GRIN3A: variants seen among roughly 807,000 people sequenced by gnomAD.
The protein encoded by GRIN3A is glutamate ionotropic receptor NMDA type subunit 3A, also known as glutamate receptor ionotropic, NMDA 3A.
Under a neutral mutation model 92.4 loss-of-function variants are expected in GRIN3A, and 47 were observed. The ratio of observed to expected loss-of-function variants is 0.51; its 90% confidence interval spans 0.40 to 0.65. GRIN3A has a LOEUF of 0.65. Ranked by LOEUF, GRIN3A falls within the 30% of genes least tolerant of loss-of-function variation. The pLI, the probability that GRIN3A is intolerant of heterozygous loss-of-function variation, is 0.00. For missense variants in GRIN3A, 1,324 were observed against 1,393.1 expected (o/e 0.95, Z 0.79); for synonymous variants, 527 against 540.6 (o/e 0.97, Z 0.35).
At chr9:101,635,235 C>T (rs1828769619) in intron 3 of GRIN3A, among the ~76,000 whole-genome samples, 1 of 152,042 alleles carries the variant, frequency 6.6e-6, no homozygotes, top group Non-Finnish European at 1.5e-5. Flanking sequence ...TGCATCAAGT[C>T]TCTTGTAGGG....
Position 101,640,046 on chromosome 9 carries a change from C to A in GRIN3A, c.2353-11645G>T, listed in dbSNP as rs531880561. On this transcript the variant is annotated intron_variant, in intron 3 of 8. Transcript: ENST00000361820. ...TGAGTGAGCCATTATTATGGAGGAA[C>A]CCTCAAAGATTCAGGCATATATTCT... Among the ~76,000 whole-genome samples the A allele has an allele frequency of 3.9e-5, 6 of 152,224 alleles. 1 individual carries two copies. Among genetic ancestry groups the A allele is most frequent in the Admixed American group, 3.3e-4 (5 of 15,296 alleles).
chr9:101,709,359 A>G (rs914824107), intron 1 of GRIN3A, among the ~76,000 whole-genome samples: 12 of 152,190 alleles, frequency 7.9e-5, no homozygotes, highest in Admixed American at 6.5e-4. Context: ...TAAAAAATAT[A>G]CCATTTATTG....
rs1402004546 is a variant in GRIN3A at position 101,622,623 on chromosome 9, G to T, written c.2614+695C>A. Among the ~76,000 whole-genome samples, 3 of 152,166 alleles carry T rather than the reference G, an allele frequency of 2.0e-5. No individual in the cohort carries two copies. In the South Asian group the frequency reaches 6.2e-4, roughly 31 times the overall value. On this transcript the variant is annotated intron_variant, in intron 5 of 8. Coordinates refer to ENST00000361820, the MANE Select transcript of GRIN3A (RefSeq NM_133445.3). ...CCAAGGTTTTGTTTGGGACCTTAAA[G>T]GGCATTAAACTATAGAATGAGTTTT...
chr9:101,682,909 G>T (rs1829477980), intron 2 of GRIN3A, among the ~76,000 whole-genome samples: 1 of 152,234 alleles, frequency 6.6e-6, no homozygotes, highest in South Asian at 2.1e-4. Flanking sequence ...GTGAACCAGG[G>T]AGGCGGAGCT....
chr9:101,687,970 G>A (rs1191089066), intron 1 of GRIN3A, among the ~76,000 whole-genome samples: 5 of 152,194 alleles, frequency 3.3e-5, no homozygotes, highest in African/African-American at 4.8e-5. Context: ...TATAATTGAA[G>A]TGGAAATAGT....
At chr9:101,583,671 C>T (rs1165811004) in intron 6 of GRIN3A, among the ~76,000 whole-genome samples, 1 of 152,030 alleles carries the variant, frequency 6.6e-6, no homozygotes, top group East Asian at 1.9e-4. Flanking sequence ...AAGCAGAAGT[C>T]CAGTCTCATG....
At chr9:101,684,094 T>TTTTCTTTCTTTCTTTCTTTC (rs542469654) in intron 2 of GRIN3A, among the ~76,000 whole-genome samples, 1 of 144,330 alleles carries the variant, frequency 6.9e-6, no homozygotes, top group African/African-American at 2.6e-5. Flanking sequence ...CTTCCTGTCT[T>TTTTCTTTCTTTCTTTCTTTC]TTTCTTTCTT....
At position 101,612,251 on chromosome 9, in the gene GRIN3A, A is replaced by G. The variant is rs1294534577; in HGVS notation, c.2766+1125T>C. 2.0e-5 allele frequency among the ~76,000 whole-genome samples: 3 copies of G among 152,194 alleles called. No homozygotes were observed. The East Asian group carries it at 5.8e-4, about 29-fold the overall frequency. On this transcript the variant is annotated intron_variant, in intron 6 of 8. Coordinates refer to ENST00000361820, the MANE Select transcript of GRIN3A (RefSeq NM_133445.3). ...CAATAAATGGGCATATTCGAGGCAT[A>G]TTTTATAGAAGGAAAAGACATGGCT...
At chr9:101,603,687 C>G (rs1828239035) in intron 6 of GRIN3A, among the ~76,000 whole-genome samples, 1 of 152,194 alleles carries the variant, frequency 6.6e-6, no homozygotes, top group African/African-American at 2.4e-5. Context: ...GACTGGATAA[C>G]AAGCGGGCCA....
intron 5 of GRIN3A, among the ~76,000 whole-genome samples, chr9:101,619,238 T>C (rs1280901014): frequency 1.3e-5 from 2 of 152,186 alleles, no homozygotes; most frequent in Non-Finnish European, 2.9e-5. Context: ...TTTTGCAGTC[T>C]GTCCTTGGAA....
At position 101,613,441 on chromosome 9, in the gene GRIN3A, C is replaced by T. The variant is rs1366803333; in HGVS notation, c.2701G>A (p.Asp901Asn). Residue 901 changes from aspartate to asparagine, a missense_variant, in exon 6 of 9, where the codon GAT (aspartate) becomes AAT (asparagine). Asp to Asn is a conservative substitution (Grantham distance 23). Coordinates refer to ENST00000361820, the MANE Select transcript of GRIN3A (RefSeq NM_133445.3). The stretch of plus-strand genomic sequence containing the variant: ...CTGTACCACTTGTCATGGAGCATAT[C>T]CATAAACCCATGTGACTTGTATTGA... ...ISQYKSHGFM[D>N]MLHDKWYRVV... 3 of 1,614,194 alleles carry T rather than the reference C, an allele frequency of 1.9e-6. No homozygotes were observed. Among genetic ancestry groups the T allele is most frequent in the Non-Finnish European group, 1.7e-6 (2 of 1,180,010 alleles).
At position 101,570,267 on chromosome 9, in the gene GRIN3A, C is replaced by T. The variant is rs547536294; in HGVS notation, c.*2907G>A. 2.0e-5 allele frequency: 3 copies of T among 152,556 alleles called. No homozygotes were observed. In the South Asian group the frequency reaches 6.2e-4, roughly 32 times the overall value. The allele number at this position is 152,556 out of a possible 1,614,324, so 9.5% of individuals were successfully genotyped here. ...GTGCCAGAAAAGCAAGGTAGCGTCC[C>T]TTATCTCTTTCTTCTTTACCAGAAT... On this transcript the variant is annotated 3_prime_UTR_variant, in exon 9 of 9. Coordinates refer to ENST00000361820, the MANE Select transcript of GRIN3A (RefSeq NM_133445.3).
intron 1 of GRIN3A, among the ~76,000 whole-genome samples, chr9:101,687,562 G>A (rs1196236139): frequency 6.6e-6 from 1 of 152,096 alleles, no homozygotes; most frequent in Admixed American, 6.5e-5. Context: ...GACCTCATTT[G>A]TTAAACTTTG....
chr9:101,647,837 C>CT (rs933913934), intron 3 of GRIN3A, among the ~76,000 whole-genome samples: 9 of 151,752 alleles, frequency 5.9e-5, no homozygotes, highest in Admixed American at 5.3e-4. Context: ...ACAATGTCTC[C>CT]TTTTTTGTTT....
chr9:101,686,553 A>G (rs779877523), intron 2 of GRIN3A, 43 bp downstream of exon 2: 2 of 1,610,744 alleles, frequency 1.2e-6, no homozygotes, highest in South Asian at 1.1e-5. Flanking sequence ...ACTCTCTGTC[A>G]TGGCCCTATG....
chr9:101,706,781 C>T (rs1313626383), intron 1 of GRIN3A, among the ~76,000 whole-genome samples: 1 of 152,196 alleles, frequency 6.6e-6, no homozygotes, highest in Admixed American at 6.5e-5. Context: ...TCCTTGAACA[C>T]AGATTTCTTT....
intron 2 of GRIN3A, among the ~76,000 whole-genome samples, chr9:101,674,515 G>T (rs1329900214): frequency 6.6e-6 from 1 of 152,052 alleles, no homozygotes; most frequent in East Asian, 1.9e-4. Context: ...AATGTACAGG[G>T]TTGCAAACTT....
At chr9:101,621,932 T>C (rs747750487) in intron 5 of GRIN3A, among the ~76,000 whole-genome samples, 3 of 152,228 alleles carry the variant, frequency 2.0e-5, no homozygotes, top group Non-Finnish European at 4.4e-5. Context: ...AAATTTTTCA[T>C]TGTTACATTA....
intron 5 of GRIN3A, among the ~76,000 whole-genome samples, chr9:101,615,248 A>G (rs1828428718): frequency 6.7e-6 from 1 of 149,884 alleles, no homozygotes; most frequent in Admixed American, 6.6e-5. Flanking sequence ...ATTGAGGAAG[A>G]GTGATTAAAA....
Sources: allele counts gnomAD v4.1 joint callset (sites outside exome capture counted in the v4.1 genomes callset), GRCh38; gene constraint gnomAD v4.1.1; transcripts MANE v1.5; gene names NCBI Gene and HGNC (gene_info 2026-07-23, HGNC 2026-07-21).